Variants in PTPRD observed in about 807,000 individuals in gnomAD.
PTPRD encodes the protein receptor-type tyrosine-protein phosphatase delta.
In PTPRD, 34 loss-of-function variants were observed where a neutral mutation model predicts 214.5. The observed-to-expected ratio is 0.16, with a 90% CI of 0.12 to 0.21. The LOEUF (loss-of-function observed/expected upper bound fraction) is 0.21. PTPRD is among the 10% of genes least tolerant of loss of function. The pLI, the probability that PTPRD is intolerant of heterozygous loss-of-function variation, is 1.00. For missense variants in PTPRD, 2,545 were observed against 2,398.7 expected (o/e 1.06, Z -1.27); for synonymous variants, 1,128 against 845.7 (o/e 1.33, Z -5.79).
At chr9:10,502,767 C>A (rs2044214666) in intron 2 of PTPRD, among the ~76,000 whole-genome samples, 1 of 151,934 alleles carries the variant, frequency 6.6e-6, no homozygotes, top group Non-Finnish European at 1.5e-5. Flanking sequence ...GCAAAGAAAC[C>A]AGTTGACCCA....
chr9:10,003,360 G>C (rs955304205), intron 4 of PTPRD, among the ~76,000 whole-genome samples: 1 of 151,774 alleles, frequency 6.6e-6, no homozygotes, highest in Non-Finnish European at 1.5e-5. Flanking sequence ...TAATTTTTAA[G>C]CAATAAAACC....
intron 2 of PTPRD, among the ~76,000 whole-genome samples, chr9:10,474,797 G>C (rs535825575): frequency 6.6e-6 from 1 of 152,076 alleles, no homozygotes; most frequent in Non-Finnish European, 1.5e-5. Context: ...TCAGACCACA[G>C]TGCAATCAAA....
intron 39 of PTPRD, among the ~76,000 whole-genome samples, chr9:8,343,824 T>C (rs886830048): frequency 1.6e-4 from 25 of 152,034 alleles, no homozygotes; most frequent in African/African-American, 6.0e-4. Flanking sequence ...AATTAGTGAC[T>C]GGCTTGAGAT....
At chr9:10,515,567 T>C (rs1475614801) in intron 2 of PTPRD, among the ~76,000 whole-genome samples, 1 of 112,450 alleles carries the variant, frequency 8.9e-6, no homozygotes, top group Non-Finnish European at 2.1e-5. Context: ...TTTATTGTTT[T>C]AATTTTTATT....
At position 9,103,615 on chromosome 9, in the gene PTPRD, GA is replaced by G. The variant is rs927744269; in HGVS notation, c.-143+79688del. Among the ~76,000 whole-genome samples the G allele has an allele frequency of 4.1e-3, 593 of 145,170 alleles. 1 individual carries two copies. Among genetic ancestry groups the G allele is most frequent in the African/African-American group, 0.013 (507 of 39,854 alleles). On this transcript the variant is annotated intron_variant, in intron 10 of 45. Coordinates refer to ENST00000381196, the MANE Select transcript of PTPRD (RefSeq NM_002839.4). Reference sequence around the variant, plus strand: ...TTTAGCGTATCCTTTGCTTCCATAAGAAAAAAAAAAATCAAAGAGGTGACAA... The same window carrying G: ...TTTAGCGTATCCTTTGCTTCCATAAGAAAAAAAAAATCAAAGAGGTGACAA...
At chr9:9,216,148 G>A (rs2099952046) in intron 9 of PTPRD, among the ~76,000 whole-genome samples, 1 of 151,908 alleles carries the variant, frequency 6.6e-6, no homozygotes, top group Non-Finnish European at 1.5e-5. Flanking sequence ...TTTTAAATGG[G>A]GATTATAATA....
chr9:8,688,337 C>T (rs140684725), intron 12 of PTPRD, among the ~76,000 whole-genome samples: 8,450 of 151,950 alleles, frequency 0.056, 349 homozygotes, highest in Admixed American at 0.09. Flanking sequence ...GAGGCCAAGG[C>T]GGGCGGATCA....
At chr9:8,727,503 G>C (rs759303067) in intron 12 of PTPRD, among the ~76,000 whole-genome samples, 2 of 152,202 alleles carry the variant, frequency 1.3e-5, no homozygotes, top group Non-Finnish European at 2.9e-5. Context: ...AGAGAAAAGA[G>C]AAACAATGAA....
chr9:9,270,111 G>A (rs2132713874), intron 9 of PTPRD, among the ~76,000 whole-genome samples: 1 of 151,112 alleles, frequency 6.6e-6, no homozygotes, highest in South Asian at 2.1e-4. Flanking sequence ...GTAACTAGGT[G>A]AGTTGATAGA....
intron 7 of PTPRD, among the ~76,000 whole-genome samples, chr9:9,711,515 T>C (rs1336256297): frequency 6.6e-6 from 1 of 152,090 alleles, no homozygotes; most frequent in Admixed American, 6.6e-5. Flanking sequence ...ATAATTAGAC[T>C]ACTTAATATC....
intron 14 of PTPRD, among the ~76,000 whole-genome samples, chr9:8,575,005 T>C (rs1009577976): frequency 6.6e-6 from 1 of 152,116 alleles, no homozygotes; most frequent in Admixed American, 6.5e-5. Context: ...AGGCACAAGA[T>C]AATTTGGTCA....
intron 3 of PTPRD, among the ~76,000 whole-genome samples, chr9:10,250,548 T>A (rs1240151388): frequency 1.3e-5 from 2 of 152,078 alleles, no homozygotes; most frequent in South Asian, 2.1e-4. Context: ...CAAGCAATAA[T>A]CCCTCTTTAA....
At chr9:9,216,225 C>A (rs1394463035) in intron 9 of PTPRD, among the ~76,000 whole-genome samples, 2 of 152,092 alleles carry the variant, frequency 1.3e-5, no homozygotes, top group African/African-American at 4.8e-5. Flanking sequence ...ACATTTTACT[C>A]AGTACTGTAC....
At chr9:9,867,271 C>T (rs10491918) in intron 5 of PTPRD, among the ~76,000 whole-genome samples, 12,941 of 152,090 alleles carry the variant, frequency 0.085, 1,323 homozygotes, top group African/African-American at 0.25. Context: ...ATTCATTCTG[C>T]TTTTTAAATG....
chr9:8,392,562 G>A (rs1376219421), intron 36 of PTPRD, among the ~76,000 whole-genome samples: 4 of 152,172 alleles, frequency 2.6e-5, no homozygotes, highest in East Asian at 1.9e-4. Flanking sequence ...TGAAAAATAC[G>A]TAATTGAAAA....
At chr9:9,919,884 T>A (rs530293465) in intron 5 of PTPRD, among the ~76,000 whole-genome samples, 1 of 152,288 alleles carries the variant, frequency 6.6e-6, no homozygotes, top group African/African-American at 2.4e-5. Context: ...CATGTGGATA[T>A]AATAGGACTT....
chr9:10,374,386 A>C (rs1570524), intron 2 of PTPRD, among the ~76,000 whole-genome samples: 114,790 of 151,932 alleles, frequency 0.76, 45,190 homozygotes, highest in East Asian at 0.9. Flanking sequence ...TTGATAAACA[A>C]CATAACTAGT....
At chr9:9,731,252 G>C (rs1321284700) in intron 7 of PTPRD, among the ~76,000 whole-genome samples, 1 of 151,980 alleles carries the variant, frequency 6.6e-6, no homozygotes, top group Non-Finnish European at 1.5e-5. Context: ...TGGAATCTAA[G>C]TTTGCATATT....
intron 14 of PTPRD, among the ~76,000 whole-genome samples, chr9:8,529,163 A>AT (rs1215617783): frequency 6.6e-6 from 1 of 152,056 alleles, no homozygotes; most frequent in African/African-American, 2.4e-5. Flanking sequence ...GGAGAAGGAG[A>AT]TTTTAGAAAG....
Sources: allele counts gnomAD v4.1 joint callset (sites outside exome capture counted in the v4.1 genomes callset), GRCh38; gene constraint gnomAD v4.1.1; transcripts MANE v1.5; gene names NCBI Gene and HGNC (gene_info 2026-07-23, HGNC 2026-07-21).